The following USH2A variants were observed in gnomAD, a reference collection of about 807,000 sequenced individuals.
USH2A encodes Usher syndrome 2A (autosomal recessive, mild).
A neutral mutation model predicts 538.9 loss-of-function variants in USH2A; 443 were observed. That is an observed-to-expected ratio of 0.82 (90% CI 0.76 to 0.89). The LOEUF is 0.89. Ranked by LOEUF, USH2A falls within the 40% of genes least tolerant of loss-of-function variation. The pLI is 0.00. For synonymous variants in USH2A, 2,413 were observed against 2,273.5 expected (o/e 1.06, Z -1.75); for missense variants, 6,633 against 6,324.8 (o/e 1.05, Z -1.65).
At position 216,292,228 on chromosome 1, in the gene USH2A, T is replaced by C. The variant is rs2037015127; in HGVS notation, c.1787A>G (p.Glu596Gly). ...AACTCCTCCTCCCCCTCTGAAGTGC[T>C]CAAAAGGAAATGGGTCTACAGAGAT... ...YNISVDPFPF[E>G]HFRGGGGVCD... Residue 596 changes from glutamate to glycine, a missense_variant, in exon 10 of 72, where the codon GAG (glutamate) becomes GGG (glycine). Glu to Gly is a moderately conservative substitution (Grantham distance 98, BLOSUM62 -2). Transcript: ENST00000307340. 7.4e-6 allele frequency: 12 copies of C among 1,614,090 alleles called. No individual in the cohort carries two copies. The highest frequency in any genetic ancestry group is 1.3e-5 in the African/African-American group (1 of 75,044).
chr1:215,821,836 T>G (rs7516792), intron 47 of USH2A, among the ~76,000 whole-genome samples: 59,467 of 151,594 alleles, frequency 0.39, 12,056 homozygotes, highest in Admixed American at 0.52. Flanking sequence ...ATCATTCTTC[T>G]GCATATGGAT....
At chr1:216,298,510 C>A (rs2037149368) in intron 9 of USH2A, among the ~76,000 whole-genome samples, 2 of 152,096 alleles carry the variant, frequency 1.3e-5, no homozygotes, top group Admixed American at 6.6e-5. Flanking sequence ...AAGCCAAAGA[C>A]AAATTTTACC....
At chr1:216,346,571 A>G (rs2038179415) in intron 4 of USH2A, among the ~76,000 whole-genome samples, 1 of 152,052 alleles carries the variant, frequency 6.6e-6, no homozygotes, top group Admixed American at 6.6e-5. Context: ...TTTGGATCAG[A>G]GAAGCATGCT....
At chr1:216,286,820 A>G (rs1300111858) in intron 11 of USH2A, among the ~76,000 whole-genome samples, 1 of 152,190 alleles carries the variant, frequency 6.6e-6, no homozygotes, top group Non-Finnish European at 1.5e-5. Context: ...ATGGACTAAT[A>G]CATGGGGTAC....
At chr1:215,668,375 T>C (rs190355585) in intron 64 of USH2A, among the ~76,000 whole-genome samples, 94 of 152,356 alleles carry the variant, frequency 6.2e-4, no homozygotes, top group South Asian at 6.2e-4. Context: ...TGATCATTTA[T>C]TTCAGCATTT....
At chr1:215,846,094 AT>A (rs1393027904) in intron 44 of USH2A, 61 bp from the exon 45 acceptor site, 3 of 1,449,298 alleles carry the variant, frequency 2.1e-6, no homozygotes, top group Non-Finnish European at 2.9e-6. Context: ...GAAAAAAAAA[AT>A]TCTATCATTA....
At chr1:215,824,058 A>T (rs1663089063) in intron 47 of USH2A, among the ~76,000 whole-genome samples, 1 of 152,072 alleles carries the variant, frequency 6.6e-6, no homozygotes, top group Non-Finnish European at 1.5e-5. Context: ...CAGCTTGAGA[A>T]GATCCTACTT....
intron 38 of USH2A, among the ~76,000 whole-genome samples, chr1:215,906,538 A>C (rs1177735383): frequency 6.6e-6 from 1 of 152,072 alleles, no homozygotes; most frequent in Non-Finnish European, 1.5e-5. Flanking sequence ...AATATAGAAT[A>C]ACTATTAAAT....
In USH2A at chr1:215,965,419, G is replaced by C; in HGVS notation, c.7018C>G (p.Gln2340Glu). 6.2e-7 allele frequency: 1 copy of C among 1,613,838 alleles called. No homozygotes were observed. The change falls in exon 37 of 72, where the codon CAG becomes GAG. Residue 2340 changes from glutamine (Q) to glutamate (E), a missense_variant. Gln to Glu is a conservative substitution (Grantham distance 29). Coordinates refer to ENST00000307340, the MANE Select transcript of USH2A (RefSeq NM_206933.4). ...EGTVNVFVKT[Q>E]GSRKAHVRWE... ...CTCACGTGGGCTTTCCGGGATCCCT[G>C]TGTTTTGACAAACACATTTACTGTT...
chr1:215,746,466 C>T (rs958210340), intron 58 of USH2A, among the ~76,000 whole-genome samples: 5 of 152,142 alleles, frequency 3.3e-5, no homozygotes, highest in Admixed American at 2.6e-4. Context: ...TGTGAGCTTG[C>T]CCTACTTGCG....
intron 41 of USH2A, among the ~76,000 whole-genome samples, chr1:215,881,112 A>G (rs1030841513): frequency 2.0e-5 from 3 of 152,060 alleles, no homozygotes; most frequent in African/African-American, 7.2e-5. Flanking sequence ...ATCTCAATCA[A>G]TCAATCAATC....
chr1:216,074,483 T>C (rs985552653), intron 27 of USH2A, among the ~76,000 whole-genome samples: 5 of 152,292 alleles, frequency 3.3e-5, no homozygotes, highest in Non-Finnish European at 7.4e-5. Context: ...ATAGTAACAA[T>C]GACCATATTG....
chr1:215,981,443 CTAA>C (rs965931903), intron 35 of USH2A, among the ~76,000 whole-genome samples: 7 of 152,032 alleles, frequency 4.6e-5, no homozygotes, highest in African/African-American at 1.7e-4. Flanking sequence ...ATTTTTATAA[CTAA>C]TAATACTACT....
chr1:216,239,692 T>C (rs1362192588), intron 13 of USH2A, among the ~76,000 whole-genome samples: 2 of 152,088 alleles, frequency 1.3e-5, no homozygotes, highest in African/African-American at 4.8e-5. Flanking sequence ...TGGCTGTCTG[T>C]TGAGAAGTGA....
intron 35 of USH2A, among the ~76,000 whole-genome samples, chr1:215,991,690 A>T (rs1391873876): frequency 6.6e-6 from 1 of 152,188 alleles, no homozygotes. Flanking sequence ...TACACAAAAC[A>T]TTCAAAGAGC....
intron 37 of USH2A, among the ~76,000 whole-genome samples, chr1:215,951,905 T>C (rs192212377): frequency 0.019 from 2,846 of 148,502 alleles, 50 homozygotes; most frequent in South Asian, 0.057. Context: ...TCGCCCAGGC[T>C]GGACTGCGGA....
intron 37 of USH2A, among the ~76,000 whole-genome samples, chr1:215,953,248 G>T (rs1339732507): frequency 3.9e-5 from 6 of 152,060 alleles, no homozygotes; most frequent in African/African-American, 1.4e-4. Context: ...AAAAGAGCCC[G>T]CATTGCCAAG....
chr1:215,766,803 C>T lies in USH2A; in HGVS notation c.10940-15G>A, dbSNP rs1661144540. The stretch of plus-strand genomic sequence containing the variant: ...TGGCTGGAGACCTAGAAAAAGCAAG[C>T]AAGAAATAAAGTGCACCTTAAGAGG... On this transcript the variant is annotated splice_polypyrimidine_tract_variant and intron_variant, in intron 55 of 71. Transcript: ENST00000307340. The T allele has an allele frequency of 6.2e-7, 1 of 1,607,694 alleles. No homozygotes were observed. Among genetic ancestry groups the T allele is most frequent in the East Asian group, 2.2e-5 (1 of 44,816 alleles).
At chr1:216,121,940 A>T (rs560365459) in intron 21 of USH2A, among the ~76,000 whole-genome samples, 1 of 152,326 alleles carries the variant, frequency 6.6e-6, no homozygotes, top group South Asian at 2.1e-4. Context: ...AAATAAGGCA[A>T]GTTTGTACTA....
Sources: gnomAD v4.1 joint callset for allele counts (sites outside exome capture counted in the v4.1 genomes callset) on GRCh38, gnomAD v4.1.1 for gene constraint, MANE v1.5 for transcripts, NCBI Gene and HGNC (gene_info 2026-07-23, HGNC 2026-07-21) for gene names.